PLXDC2: variants seen among roughly 807,000 people sequenced by gnomAD.
The protein encoded by PLXDC2 is plexin domain-containing protein 2.
Under a neutral mutation model 68.9 loss-of-function variants are expected in PLXDC2, and 40 were observed. That is an observed-to-expected ratio of 0.58 (90% confidence interval 0.45 to 0.76). The LOEUF (loss-of-function observed/expected upper bound fraction) is 0.76. Ranked by LOEUF, PLXDC2 falls within the 30% of genes least tolerant of loss-of-function variation. The pLI, the probability that PLXDC2 is intolerant of heterozygous loss-of-function variation, is 0.00. For missense variants in PLXDC2, 644 were observed against 661.9 expected, an observed-to-expected ratio of 0.97 and a Z score of 0.30; for synonymous variants, 243 against 234.2, an observed-to-expected ratio of 1.04 and a Z score of -0.34.
At chr10:20,215,477 CTCTT>C (rs1835123787) in intron 10 of PLXDC2, among the ~76,000 whole-genome samples, 2 of 151,756 alleles carry the variant, frequency 1.3e-5, no homozygotes, top group Admixed American at 6.6e-5. Flanking sequence ...GAGGCAGTCC[CTCTT>C]CTGGGACTGC....
chr10:20,081,408 G>GA (rs35791959), intron 4 of PLXDC2, among the ~76,000 whole-genome samples: 32,402 of 141,580 alleles, frequency 0.23, 4,129 homozygotes, highest in South Asian at 0.36. Context: ...GAAATGCAAA[G>GA]AAAAAAAATG....
At position 20,222,940 on chromosome 10, in the gene PLXDC2, A is replaced by G. The variant is rs7071746; in HGVS notation, c.1312+3838A>G. ...ATTAAGTTTAGAGTAATACGTAGGT[A>G]TAATCAGATAGTTTATCTGTCTCTT... On this transcript the variant is annotated intron_variant, in intron 12 of 13. Coordinates refer to ENST00000377252, the MANE Select transcript of PLXDC2 (RefSeq NM_032812.9). Among the ~76,000 whole-genome samples the G allele has an allele frequency of 1.2e-3, 185 of 152,366 alleles. 1 individual carries two copies. The highest frequency in any genetic ancestry group is 4.4e-3 in the African/African-American group (181 of 41,588).
chr10:20,133,921 T>C (rs566744380), intron 4 of PLXDC2, among the ~76,000 whole-genome samples: 128 of 152,324 alleles, frequency 8.4e-4, no homozygotes, highest in African/African-American at 3.0e-3. Context: ...TTGCTCCTCT[T>C]ACCAGGTAAA....
In PLXDC2 at chr10:20,219,078, G is replaced by A. The variant is rs1281432850; in HGVS notation, c.1288G>A (p.Ala430Thr). ...SLPTEDDTKIALHLKDNGAST... is the reference protein window; with the variant it reads ...SLPTEDDTKITLHLKDNGAST... ...TTCTCTTCCAGATGATACCAAGATA[G>A]CACTACATCTAAAAGATAATGGAGG... The change falls in exon 12 of 14, where the codon GCA (alanine) becomes ACA (threonine). Residue 430 changes from alanine (A) to threonine (T), a missense_variant. Ala to Thr is a moderately conservative substitution (Grantham distance 58). This residue lies in a region of PLXDC2 where 330 missense variants were observed against 327.9 expected (regional missense o/e 1.01). Transcript: ENST00000377252. 2 of 1,607,436 alleles carry A rather than the reference G, an allele frequency of 1.2e-6. No individual in the cohort carries two copies. The highest frequency in any genetic ancestry group is 2.7e-5 in the African/African-American group (2 of 74,644).
intron 5 of PLXDC2, among the ~76,000 whole-genome samples, chr10:20,144,014 T>C (rs1331287545): frequency 1.3e-5 from 2 of 151,950 alleles, no homozygotes; most frequent in Admixed American, 1.3e-4. Flanking sequence ...AAAAAAACTA[T>C]AATAAATCAT....
intron 1 of PLXDC2, among the ~76,000 whole-genome samples, chr10:19,957,691 T>A (rs1834093185): frequency 6.6e-6 from 1 of 152,132 alleles, no homozygotes; most frequent in Non-Finnish European, 1.5e-5. Context: ...ATGCATTCAT[T>A]TTTGTTCACT....
At chr10:19,943,897 A>G (rs1199774786) in intron 1 of PLXDC2, among the ~76,000 whole-genome samples, 2 of 152,184 alleles carry the variant, frequency 1.3e-5, no homozygotes, top group Non-Finnish European at 2.9e-5. Context: ...GACTTTTGCT[A>G]TGCATTGTTT....
At chr10:20,214,911 G>A (rs889874091) in intron 10 of PLXDC2, among the ~76,000 whole-genome samples, 1 of 152,188 alleles carries the variant, frequency 6.6e-6, no homozygotes, top group Non-Finnish European at 1.5e-5. Flanking sequence ...TGAGATGTGT[G>A]TGACATTCAC....
At chr10:19,878,788 G>T (rs1447953946) in intron 1 of PLXDC2, among the ~76,000 whole-genome samples, 1 of 152,046 alleles carries the variant, frequency 6.6e-6, no homozygotes, top group East Asian at 1.9e-4. Context: ...GCTTCAAATT[G>T]CCCTGTCATC....
At chr10:19,968,801 G>A (rs1420568964) in intron 1 of PLXDC2, among the ~76,000 whole-genome samples, 2 of 152,152 alleles carry the variant, frequency 1.3e-5, no homozygotes, top group Admixed American at 6.5e-5. Context: ...ATGGTATCCT[G>A]TAAAACTATT....
chr10:19,875,963 AAC>A (rs1837621797), intron 1 of PLXDC2, among the ~76,000 whole-genome samples: 1 of 152,198 alleles, frequency 6.6e-6, no homozygotes, highest in Non-Finnish European at 1.5e-5. Context: ...AAATTTTTGT[AAC>A]ATTTTTCTTG....
chr10:19,834,329 T>TAGAGAGAGAGAG lies in PLXDC2; in HGVS notation c.112+17153_112+17164dup, dbSNP rs72293743. Among the ~76,000 whole-genome samples, 10 of 145,312 alleles carry TAGAGAGAGAGAG rather than the reference T, an allele frequency of 6.9e-5. No individual in the cohort carries two copies. In the East Asian group the frequency reaches 8.3e-4, roughly 12 times the overall value. On this transcript the variant is annotated intron_variant, in intron 1 of 13. Coordinates refer to ENST00000377252, the MANE Select transcript of PLXDC2 (RefSeq NM_032812.9). Reference sequence around the variant, plus strand: ...ACAAAATCACAGAGAAAGAGAGAGGTAGAGAGAGAGAGAGAGAGAGAGAGA... The same window carrying TAGAGAGAGAGAG: ...ACAAAATCACAGAGAAAGAGAGAGGTAGAGAGAGAGAGAGAGAGAGAGAGAGAGAGAGAGAGA...
intron 10 of PLXDC2, among the ~76,000 whole-genome samples, chr10:20,217,053 G>A (rs1447317142): frequency 6.6e-6 from 1 of 152,172 alleles, no homozygotes; most frequent in Non-Finnish European, 1.5e-5. Flanking sequence ...ACCTGAGTAT[G>A]TTTTAAACCT....
Position 19,901,420 on chromosome 10 carries a change from A to G in PLXDC2, c.112+84229A>G, listed in dbSNP as rs188120047. Among the ~76,000 whole-genome samples, 700 of 152,230 alleles carry G rather than the reference A, an allele frequency of 4.6e-3. 3 individuals are homozygous for G. Among genetic ancestry groups the G allele is most frequent in the African/African-American group, 0.016 (665 of 41,544 alleles). ...TGTGGTTTTGATTTGCATTTCCCTG[A>G]TAATTGGTGATGTTGAGCATTTTTC... On this transcript the variant is annotated intron_variant, in intron 1 of 13. Transcript: ENST00000377252.
chr10:19,917,412 C>G (rs1359812443), intron 1 of PLXDC2, among the ~76,000 whole-genome samples: 1 of 152,118 alleles, frequency 6.6e-6, no homozygotes, highest in Non-Finnish European at 1.5e-5. Context: ...TGAAATTGAG[C>G]ATCAAAAGTA....
rs778755916 is a variant in PLXDC2, at chr10:20,143,346, A to G, written c.593A>G (p.Tyr198Cys). ...VVHRMLTATQ[Y>C]IAPLMANFDP... is the part of the protein sequence containing the mutation. ...CATCGAATGCTAACAGCCACACAGT[A>G]CATAGCACCTTTAATGGCAAATTTC... Residue 198 changes from tyrosine to cysteine, a missense_variant, in exon 5 of 14, where the codon TAC becomes TGC. This residue lies in a region of PLXDC2 where 113 missense variants were observed against 167.1 expected (regional missense o/e 0.68). Transcript: ENST00000377252. The G allele has an allele frequency of 6.2e-7, 1 of 1,613,314 alleles. No homozygotes were observed. Among genetic ancestry groups the G allele is most frequent in the South Asian group, 1.1e-5 (1 of 91,058 alleles).
At chr10:20,032,383 A>G (rs889881518) in intron 2 of PLXDC2, among the ~76,000 whole-genome samples, 1 of 152,174 alleles carries the variant, frequency 6.6e-6, no homozygotes, top group African/African-American at 2.4e-5. Flanking sequence ...AGTGTGTGGT[A>G]AGGATATTGG....
intron 1 of PLXDC2, among the ~76,000 whole-genome samples, chr10:19,872,694 G>A (rs781451990): frequency 3.3e-5 from 5 of 152,214 alleles, no homozygotes; most frequent in Non-Finnish European, 5.9e-5. Flanking sequence ...GGGGAACTGG[G>A]CAGAGTTAGA....
At chr10:19,863,471 G>A (rs1837352846) in intron 1 of PLXDC2, among the ~76,000 whole-genome samples, 1 of 152,150 alleles carries the variant, frequency 6.6e-6, no homozygotes, top group Admixed American at 6.5e-5. Context: ...TTGTATATTA[G>A]ACAGAACATC....
Sources: gnomAD v4.1 joint callset for allele counts (sites outside exome capture counted in the v4.1 genomes callset) on GRCh38, gnomAD v4.1.1 for gene constraint, gnomAD v4.1.1 regional missense constraint, MANE v1.5 for transcripts, NCBI Gene and HGNC (gene_info 2026-07-23, HGNC 2026-07-21) for gene names.